Variants in GAB1 observed in about 807,000 individuals in gnomAD.
The protein encoded by GAB1 is GRB2-associated-binding protein 1.
In GAB1, 19 loss-of-function variants were observed where a neutral mutation model predicts 66.5. The ratio of observed to expected loss-of-function variants is 0.29; its 90% CI spans 0.20 to 0.42. The LOEUF is 0.42. Ranked by LOEUF, GAB1 falls within the 10% of genes least tolerant of loss-of-function variation. GAB1 has a pLI of 1.00. For missense variants in GAB1, 732 were observed against 858.5 expected (o/e 0.85, Z 1.84); for synonymous variants, 294 against 301.4 (o/e 0.98, Z 0.25).
chr4:143,437,539 T>C (rs949575686), intron 3 of GAB1, among the ~76,000 whole-genome samples: 1 of 152,250 alleles, frequency 6.6e-6, no homozygotes, highest in African/African-American at 2.4e-5. Context: ...ATTAGACTTT[T>C]AATTTTACGG....
At chr4:143,361,759 G>T (rs954222169) in intron 1 of GAB1, among the ~76,000 whole-genome samples, 1 of 152,094 alleles carries the variant, frequency 6.6e-6, no homozygotes, top group Non-Finnish European at 1.5e-5. Flanking sequence ...CCAGGTTTCT[G>T]TACGGTTCTT....
chr4:143,374,568 C>T lies in GAB1; in HGVS notation c.72+37308C>T, dbSNP rs78803447. 2.4e-3 allele frequency among the ~76,000 whole-genome samples: 359 copies of T among 152,218 alleles called. 2 individuals are homozygous for T. The highest frequency in any genetic ancestry group is 8.2e-3 in the African/African-American group (340 of 41,518). On this transcript the variant is annotated intron_variant, in intron 1 of 9. Transcript: ENST00000262994. ...GAGTGTCAAATTTCTTGCCTTTTGA[C>T]GATAGCTGACTTTTAGTTGACTAAA...
At chr4:143,400,479 G>A (rs1731711885) in intron 1 of GAB1, among the ~76,000 whole-genome samples, 1 of 152,188 alleles carries the variant, frequency 6.6e-6, no homozygotes. Context: ...GCCATATGGA[G>A]CTGGAGTTGG....
intron 1 of GAB1, among the ~76,000 whole-genome samples, chr4:143,366,628 T>TATAC (rs1222121292): frequency 6.6e-6 from 1 of 152,066 alleles, no homozygotes; most frequent in Non-Finnish European, 1.5e-5. Context: ...TATCACCTCA[T>TATAC]ATACATACAT....
intron 6 of GAB1, among the ~76,000 whole-genome samples, chr4:143,447,893 T>G (rs1318273866): frequency 6.6e-6 from 1 of 152,240 alleles, no homozygotes; most frequent in Non-Finnish European, 1.5e-5. Flanking sequence ...CTTCCAATTT[T>G]TGCCCATTCA....
At chr4:143,459,083 A>AT (rs1735349329) in intron 6 of GAB1, among the ~76,000 whole-genome samples, 3 of 152,144 alleles carry the variant, frequency 2.0e-5, no homozygotes, top group Admixed American at 2.0e-4. Flanking sequence ...ACTGGGTCAC[A>AT]TTACTCTTTA....
At chr4:143,383,950 A>G (rs1194811308) in intron 1 of GAB1, among the ~76,000 whole-genome samples, 2 of 152,136 alleles carry the variant, frequency 1.3e-5, no homozygotes, top group African/African-American at 2.4e-5. Flanking sequence ...TAACACTCCC[A>G]TAGTCCTAGC....
At chr4:143,448,753 A>G (rs1319704941) in intron 6 of GAB1, among the ~76,000 whole-genome samples, 3 of 151,452 alleles carry the variant, frequency 2.0e-5, no homozygotes, top group East Asian at 1.9e-4. Context: ...TCCTGGATTC[A>G]TTAATTTTTG....
At chr4:143,384,651 G>A (rs996470532) in intron 1 of GAB1, among the ~76,000 whole-genome samples, 1 of 152,212 alleles carries the variant, frequency 6.6e-6, no homozygotes, top group Non-Finnish European at 1.5e-5. Context: ...CTTTCCTGGA[G>A]AGGGGAGAGC....
chr4:143,377,125 T>C (rs921264787), intron 1 of GAB1, among the ~76,000 whole-genome samples: 1 of 152,024 alleles, frequency 6.6e-6, no homozygotes, highest in African/African-American at 2.4e-5. Flanking sequence ...TTTTGTTTGC[T>C]TTGGTTTAAG....
In GAB1 at chr4:143,436,061, A is replaced by G. The variant is rs1401393902; in HGVS notation, c.594-1938A>G. Reference sequence around the variant, plus strand: ...TCTCTTAACTCTGCATTTGAATTAAATGAAGTACAAATTTTAGAATATGCA... The same window carrying G: ...TCTCTTAACTCTGCATTTGAATTAAGTGAAGTACAAATTTTAGAATATGCA... On this transcript the variant is annotated intron_variant, in intron 3 of 9. Coordinates refer to ENST00000262994, the MANE Select transcript of GAB1 (RefSeq NM_002039.4). Among the ~76,000 whole-genome samples, 4 of 152,254 alleles carry G rather than the reference A, an allele frequency of 2.6e-5. No homozygotes were observed. The East Asian group carries it at 7.7e-4, about 29-fold the overall frequency.
intron 6 of GAB1, among the ~76,000 whole-genome samples, chr4:143,458,588 A>G (rs1013912905): frequency 2.0e-5 from 3 of 152,044 alleles, no homozygotes; most frequent in Admixed American, 2.0e-4. Flanking sequence ...AAATTTCTGA[A>G]AAAATCTCAG....
intron 1 of GAB1, among the ~76,000 whole-genome samples, chr4:143,363,211 A>C (rs1729733815): frequency 6.6e-6 from 1 of 152,160 alleles, no homozygotes; most frequent in Admixed American, 6.5e-5. Context: ...TTAAACTAGA[A>C]ATTTTTGAGA....
In GAB1 at chr4:143,472,752, G is replaced by A. The variant is rs1223022070; in HGVS notation, c.*3563G>A. 8 of 152,096 alleles carry A rather than the reference G, an allele frequency of 5.3e-5. No homozygotes were observed. The highest frequency in any genetic ancestry group is 5.2e-4 in the Admixed American group (8 of 15,256). 9.4% of individuals were successfully genotyped at this position (152,096 alleles called of 1,614,324 possible). A position where few individuals can be genotyped will look rare whatever the true frequency, so the allele number is the denominator to read the frequency against. On this transcript the variant is annotated 3_prime_UTR_variant, in exon 10 of 10. Coordinates refer to ENST00000262994, the MANE Select transcript of GAB1 (RefSeq NM_002039.4). ...CCTCCACTGTCAAGTAAGCAATCAG[G>A]TCCGTGACAGGGATTGGACATATGA...
rs1394321094 is a variant in GAB1 at position 143,433,480 on chromosome 4, T to C, written c.368-11T>C. 9.3e-6 allele frequency: 15 copies of C among 1,604,336 alleles called. No individual in the cohort carries two copies. The highest frequency in any genetic ancestry group is 4.3e-6 in the Non-Finnish European group (5 of 1,171,268). ...TGTGATAGACGTGATAGTTAAACTTTGGTGTTGCAGATCCTGTGAAGCCAC... is the reference window on the plus strand; with the variant it reads ...TGTGATAGACGTGATAGTTAAACTTCGGTGTTGCAGATCCTGTGAAGCCAC... On this transcript the variant is annotated splice_polypyrimidine_tract_variant and intron_variant, in intron 2 of 9. Transcript: ENST00000262994.
chr4:143,462,598 G>A (rs2149793882), intron 8 of GAB1, among the ~76,000 whole-genome samples: 1 of 151,872 alleles, frequency 6.6e-6, no homozygotes, highest in South Asian at 2.1e-4. Context: ...ATGACAGTAA[G>A]CCAGAAAGGT....
At chr4:143,460,255 TA>T in intron 7 of GAB1, 108 bp from the exon 8 acceptor site, 10 of 1,019,288 alleles carry the variant, frequency 9.8e-6, no homozygotes, top group Non-Finnish European at 1.5e-5. Flanking sequence ...ATTATAAACA[TA>T]AGGGAATATT....
intron 1 of GAB1, among the ~76,000 whole-genome samples, chr4:143,339,880 A>G (rs1728771147): frequency 1.3e-5 from 2 of 152,194 alleles, no homozygotes; most frequent in Admixed American, 1.3e-4. Flanking sequence ...GCTTGGGAGA[A>G]ACTAGGATTT....
At chr4:143,363,461 A>G (rs1440450237) in intron 1 of GAB1, among the ~76,000 whole-genome samples, 1 of 152,176 alleles carries the variant, frequency 6.6e-6, no homozygotes, top group African/African-American at 2.4e-5. Context: ...AAAGAGACAG[A>G]GTGGTTTTTA....
Sources: gnomAD v4.1 joint callset for allele counts (sites outside exome capture counted in the v4.1 genomes callset) on GRCh38, gnomAD v4.1.1 for gene constraint, MANE v1.5 for transcripts, NCBI Gene and HGNC (gene_info 2026-07-23, HGNC 2026-07-21) for gene names.